Variants in WWOX observed in about 807,000 individuals in gnomAD.
WWOX encodes WW domain containing oxidoreductase, also known as WW domain-containing oxidoreductase.
Under a neutral mutation model 46.2 loss-of-function variants are expected in WWOX, and 69 were observed. The observed-to-expected ratio is 1.49, with a 90% CI of 1.23 to 1.82. The LOEUF (loss-of-function observed/expected upper bound fraction) is 1.82, where lower values mean the gene tolerates loss of function less well. WWOX is among the 40% of genes most tolerant of loss of function. The pLI is 0.00. For missense variants in WWOX, 919 were observed against 542.6 expected, an observed-to-expected ratio of 1.69 and a Z score of -6.89; for synonymous variants, 359 against 202.6, an observed-to-expected ratio of 1.77 and a Z score of -6.56.
rs929902286 is a variant in WWOX, at chr16:79,009,906, T to C, written c.1057-201702T>C. On this transcript the variant is annotated intron_variant, in intron 8 of 8. Coordinates refer to ENST00000566780, the MANE Select transcript of WWOX (RefSeq NM_016373.4). ...GTCCTGACCTGAGCTTTGGAACTTA[T>C]CAAGTTGAGAGAGAAATTTGATAAT... Among the ~76,000 whole-genome samples, 5 of 152,208 alleles carry C rather than the reference T, an allele frequency of 3.3e-5. No homozygotes were observed. In the South Asian group the frequency reaches 6.2e-4, roughly 19 times the overall value.
At chr16:78,609,657 C>G (rs938679135) in intron 8 of WWOX, among the ~76,000 whole-genome samples, 1 of 152,010 alleles carries the variant, frequency 6.6e-6, no homozygotes, top group African/African-American at 2.4e-5. Flanking sequence ...TAAAATGCAG[C>G]CTGTCTTTGG....
intron 8 of WWOX, among the ~76,000 whole-genome samples, chr16:79,197,207 A>G (rs889798925): frequency 6.6e-6 from 1 of 152,174 alleles, no homozygotes; most frequent in African/African-American, 2.4e-5. Flanking sequence ...ACATTCCCAC[A>G]GTGCCTACCA....
chr16:78,458,764 C>A (rs2667606), intron 8 of WWOX, among the ~76,000 whole-genome samples: 36,208 of 151,604 alleles, frequency 0.24, 4,717 homozygotes, highest in African/African-American at 0.34. Flanking sequence ...ATATAAATAC[C>A]AGTACTAGTG....
At chr16:78,720,405 G>A (rs1362743222) in intron 8 of WWOX, among the ~76,000 whole-genome samples, 2 of 148,096 alleles carry the variant, frequency 1.4e-5, no homozygotes, top group Non-Finnish European at 1.5e-5. Flanking sequence ...CTGTTAACAC[G>A]AAAACTAAAA....
At chr16:78,500,920 T>A (rs2085047588) in intron 8 of WWOX, among the ~76,000 whole-genome samples, 1 of 152,180 alleles carries the variant, frequency 6.6e-6, no homozygotes, top group African/African-American at 2.4e-5. Flanking sequence ...TGTCTCTTTC[T>A]CTGGACGGCC....
chr16:78,458,186 C>T (rs867867210), intron 8 of WWOX, among the ~76,000 whole-genome samples: 23 of 151,856 alleles, frequency 1.5e-4, no homozygotes, highest in African/African-American at 4.8e-4. Flanking sequence ...CGAACTTGCC[C>T]TACATACTGT....
At chr16:78,384,962 C>T (rs1053081802) in intron 5 of WWOX, among the ~76,000 whole-genome samples, 6 of 152,028 alleles carry the variant, frequency 3.9e-5, no homozygotes, top group Admixed American at 1.3e-4. Context: ...GGTGAAACCC[C>T]GTCTGTACTG....
chr16:78,515,105 T>C (rs956623986), intron 8 of WWOX, among the ~76,000 whole-genome samples: 1 of 152,140 alleles, frequency 6.6e-6, no homozygotes, highest in African/African-American at 2.4e-5. Flanking sequence ...ACGCCTGTAA[T>C]TGCAGCTACT....
intron 8 of WWOX, among the ~76,000 whole-genome samples, chr16:78,915,808 C>T (rs895140677): frequency 1.3e-5 from 2 of 152,202 alleles, no homozygotes; most frequent in African/African-American, 4.8e-5. Flanking sequence ...GTTTATAACT[C>T]TCAAATCTTC....
chr16:78,268,254 A>C (rs1382696962), intron 5 of WWOX, among the ~76,000 whole-genome samples: 1 of 152,230 alleles, frequency 6.6e-6, no homozygotes, highest in Non-Finnish European at 1.5e-5. Context: ...AAAAAGTAGC[A>C]TTCTATTTTT....
At chr16:79,014,707 A>G (rs575670739) in intron 8 of WWOX, among the ~76,000 whole-genome samples, 30 of 152,344 alleles carry the variant, frequency 2.0e-4, no homozygotes, top group African/African-American at 7.2e-4. Context: ...GAAAGAACCA[A>G]GGCATAGAAA....
At chr16:78,676,898 ATAAGT>A (rs1453319173) in intron 8 of WWOX, among the ~76,000 whole-genome samples, 5 of 152,282 alleles carry the variant, frequency 3.3e-5, no homozygotes, top group East Asian at 3.9e-4. Flanking sequence ...TACATTATTG[ATAAGT>A]TAATTTAGAA....
intron 8 of WWOX, among the ~76,000 whole-genome samples, chr16:78,894,349 C>T (rs1006868400): frequency 6.6e-6 from 1 of 152,172 alleles, no homozygotes; most frequent in Admixed American, 6.6e-5. Flanking sequence ...CTCTCCAGCA[C>T]AGCAAAGGAT....
At chr16:78,231,057 C>A (rs992016070) in intron 5 of WWOX, among the ~76,000 whole-genome samples, 1 of 152,222 alleles carries the variant, frequency 6.6e-6, no homozygotes, top group Non-Finnish European at 1.5e-5. Flanking sequence ...AGCAGGAAGA[C>A]TGGGACGTGA....
At chr16:78,737,220 C>T (rs2049112430) in intron 8 of WWOX, among the ~76,000 whole-genome samples, 1 of 151,922 alleles carries the variant, frequency 6.6e-6, no homozygotes, top group African/African-American at 2.4e-5. Context: ...CTGCCTCAGC[C>T]TTCTGAGTAG....
At chr16:78,925,138 T>G (rs1366419391) in intron 8 of WWOX, among the ~76,000 whole-genome samples, 6 of 152,180 alleles carry the variant, frequency 3.9e-5, no homozygotes, top group African/African-American at 7.2e-5. Flanking sequence ...GAGGCTGCAG[T>G]GAGCAATGAT....
chr16:78,145,643 C>G (rs572615294), intron 4 of WWOX, among the ~76,000 whole-genome samples: 18 of 152,272 alleles, frequency 1.2e-4, no homozygotes, highest in Non-Finnish European at 2.4e-4. Context: ...CCCGCACAGA[C>G]ACACCCAGGA....
At chr16:79,149,306 T>G (rs2050235219) in intron 8 of WWOX, among the ~76,000 whole-genome samples, 1 of 152,236 alleles carries the variant, frequency 6.6e-6, no homozygotes, top group Non-Finnish European at 1.5e-5. Context: ...CATATGATTT[T>G]CCTTTAGCTT....
chr16:78,854,502 C>T (rs1184052474), intron 8 of WWOX, among the ~76,000 whole-genome samples: 1 of 152,184 alleles, frequency 6.6e-6, no homozygotes, highest in African/African-American at 2.4e-5. Context: ...GCCTATGCAT[C>T]CCTCAAATTG....
Sources: gnomAD v4.1 joint callset for allele counts (sites outside exome capture counted in the v4.1 genomes callset) on GRCh38, gnomAD v4.1.1 for gene constraint, MANE v1.5 for transcripts, NCBI Gene and HGNC (gene_info 2026-07-23, HGNC 2026-07-21) for gene names.